GLG1: variants seen among roughly 807,000 people sequenced by gnomAD.
The protein encoded by GLG1 is Golgi apparatus protein 1.
A neutral mutation model predicts 160.5 loss-of-function variants in GLG1; 38 were observed. The ratio of observed to expected loss-of-function variants is 0.24; its 90% CI spans 0.18 to 0.31. The LOEUF is 0.31. Ranked by LOEUF, GLG1 falls within the 10% of genes least tolerant of loss-of-function variation. GLG1 has a pLI of 1.00. For missense variants in GLG1, 1,373 were observed against 1,505.2 expected, an observed-to-expected ratio of 0.91 and a Z score of 1.45; for synonymous variants, 644 against 543.4, an observed-to-expected ratio of 1.19 and a Z score of -2.57.
chr16:74,525,093 T>C (rs2017293218), intron 2 of GLG1, among the ~76,000 whole-genome samples: 1 of 152,250 alleles, frequency 6.6e-6, no homozygotes, highest in Non-Finnish European at 1.5e-5. Context: ...CTTTTACTAA[T>C]AATGCTGCTA....
intron 1 of GLG1, among the ~76,000 whole-genome samples, chr16:74,595,396 T>G (rs931595270): frequency 8.5e-4 from 120 of 140,926 alleles, no homozygotes; most frequent in Non-Finnish European, 1.6e-3. Context: ...AATTAGCCGG[T>G]CGTGGTGGCG....
chr16:74,477,328 C>T, intron 12 of GLG1, 68 bp downstream of exon 12: 2 of 1,129,450 alleles, frequency 1.8e-6, no homozygotes, highest in South Asian at 1.2e-5. Context: ...GGTGTTTGTA[C>T]TCTGCATAAA....
Position 74,452,419 on chromosome 16 carries a change from C to T in GLG1, c.*748G>A. 2.6e-6 allele frequency: 3 copies of T among 1,170,900 alleles called. No homozygotes were observed. The highest frequency in any genetic ancestry group is 3.8e-5 in the Admixed American group (1 of 26,584). 72.5% of individuals were successfully genotyped at this position (1,170,900 alleles called of 1,614,324 possible). A position where few individuals can be genotyped will look rare whatever the true frequency, so the allele number is the denominator to read the frequency against. ...TCACAAACTTCCGGTCCCTTCCCCT[C>T]CCCAGCTGCCCTTGTCTAGGAAGGC... On this transcript the variant is annotated 3_prime_UTR_variant, in exon 26 of 26. Coordinates refer to ENST00000422840, the MANE Select transcript of GLG1 (RefSeq NM_001145667.2).
intron 1 of GLG1, among the ~76,000 whole-genome samples, chr16:74,591,445 G>T (rs1376199904): frequency 1.3e-5 from 2 of 151,968 alleles, no homozygotes; most frequent in African/African-American, 4.8e-5. Flanking sequence ...TGGCTAACAC[G>T]GTGAAATCCC....
In GLG1 at chr16:74,487,758, C is replaced by T. The variant is rs1043365487; in HGVS notation, c.1450-1841G>A. On this transcript the variant is annotated intron_variant, in intron 8 of 25. Transcript: ENST00000422840. ...TGACTGACAGGCAAACGTCAAGAAA[C>T]AATACATGCACTAGACTGCAAATAT... Among the ~76,000 whole-genome samples, 4 of 152,220 alleles carry T rather than the reference C, an allele frequency of 2.6e-5. No individual in the cohort carries two copies. In the South Asian group the frequency reaches 8.3e-4, roughly 32 times the overall value.
At chr16:74,535,501 T>C (rs748851255) in intron 1 of GLG1, among the ~76,000 whole-genome samples, 1 of 152,222 alleles carries the variant, frequency 6.6e-6, no homozygotes, top group Non-Finnish European at 1.5e-5. Flanking sequence ...GGCACCATTA[T>C]GGCTCAATAC....
intron 15 of GLG1, 70 bp downstream of exon 15, chr16:74,471,103 C>A (rs1449857635): frequency 2.3e-6 from 2 of 888,234 alleles, no homozygotes; most frequent in Non-Finnish European, 3.8e-6. Context: ...TCTGATGTTC[C>A]AAAAAAGGAA....
chr16:74,591,106 G>T (rs530971218), intron 1 of GLG1, among the ~76,000 whole-genome samples: 1 of 152,238 alleles, frequency 6.6e-6, no homozygotes, highest in South Asian at 2.1e-4. Context: ...GCCAAGGTGG[G>T]CGGATCACGA....
intron 1 of GLG1, among the ~76,000 whole-genome samples, chr16:74,547,997 C>T (rs1412673191): frequency 6.6e-6 from 1 of 152,190 alleles, no homozygotes; most frequent in South Asian, 2.1e-4. Flanking sequence ...GTGGCTCAGT[C>T]GCGGCTCACT....
At chr16:74,566,084 G>A (rs537331859) in intron 1 of GLG1, among the ~76,000 whole-genome samples, 14 of 152,302 alleles carry the variant, frequency 9.2e-5, no homozygotes, top group African/African-American at 2.9e-4. Context: ...TAGGTAAAGT[G>A]CCATTCTCAA....
At chr16:74,576,969 A>T (rs1458055450) in intron 1 of GLG1, among the ~76,000 whole-genome samples, 1 of 148,584 alleles carries the variant, frequency 6.7e-6, no homozygotes, top group Non-Finnish European at 1.5e-5. Context: ...TCACTCTGTC[A>T]GTCTCCCAGT....
chr16:74,506,419 A>C (rs1191991018), intron 3 of GLG1, among the ~76,000 whole-genome samples: 1 of 150,598 alleles, frequency 6.6e-6, no homozygotes, highest in Non-Finnish European at 1.5e-5. Flanking sequence ...TCTACTAAAA[A>C]TACAAAAAAA....
intron 1 of GLG1, among the ~76,000 whole-genome samples, chr16:74,576,172 G>A (rs2018997029): frequency 6.6e-6 from 1 of 151,898 alleles, no homozygotes; most frequent in African/African-American, 2.4e-5. Context: ...ACTCCAGTCT[G>A]CGCGACAGAG....
At chr16:74,492,682 AG>A (rs2016042419) in intron 7 of GLG1, among the ~76,000 whole-genome samples, 1 of 152,032 alleles carries the variant, frequency 6.6e-6, no homozygotes, top group African/African-American at 2.4e-5. Context: ...AGCCAGGCGC[AG>A]TGGCACTCGC....
intron 10 of GLG1, among the ~76,000 whole-genome samples, chr16:74,482,704 G>A (rs1216303735): frequency 1.3e-5 from 2 of 152,116 alleles, no homozygotes; most frequent in Non-Finnish European, 2.9e-5. Flanking sequence ...AGACATATCT[G>A]AAGGCGCTTT....
chr16:74,469,842 C>T, intron 16 of GLG1, 143 bp downstream of exon 16: 1 of 651,656 alleles, frequency 1.5e-6, no homozygotes. Flanking sequence ...GAGTGTTTGC[C>T]ACGCTAATCA....
chr16:74,472,502 A>G, intron 13 of GLG1, 91 bp from the exon 14 acceptor site: 1 of 1,339,378 alleles, frequency 7.5e-7, no homozygotes, highest in Non-Finnish European at 1.0e-6. Flanking sequence ...GTAATATCTG[A>G]TGGGCAAATA....
chr16:74,527,245 C>CTTT (rs71158522), intron 2 of GLG1, among the ~76,000 whole-genome samples: 9,217 of 82,828 alleles, frequency 0.11, 711 homozygotes, highest in Non-Finnish European at 0.14. Flanking sequence ...TAAGTCAGTT[C>CTTT]TTTTTTTTTT....
At chr16:74,521,437 T>G (rs1216797355) in intron 2 of GLG1, among the ~76,000 whole-genome samples, 1 of 152,012 alleles carries the variant, frequency 6.6e-6, no homozygotes, top group Admixed American at 6.6e-5. Context: ...ATCAGGGCAA[T>G]AGCAGTGAAA....
Sources: gnomAD v4.1 joint callset for allele counts (sites outside exome capture counted in the v4.1 genomes callset) on GRCh38, gnomAD v4.1.1 for gene constraint, MANE v1.5 for transcripts, NCBI Gene and HGNC (gene_info 2026-07-23, HGNC 2026-07-21) for gene names.